CFAP299: variants seen among roughly 807,000 people sequenced by gnomAD.
The protein encoded by CFAP299 is cilia- and flagella-associated protein 299.
In CFAP299, 21 loss-of-function variants were observed where a neutral mutation model predicts 27.0. The ratio of observed to expected loss-of-function variants is 0.78; its 90% confidence interval spans 0.55 to 1.12. The LOEUF is 1.12. CFAP299 is among the 50% of genes most tolerant of loss of function. The pLI is 0.00. For missense variants in CFAP299, 310 were observed against 276.6 expected (o/e 1.12, Z -0.86); for synonymous variants, 104 against 98.1 (o/e 1.06, Z -0.36).
intron 1 of CFAP299, among the ~76,000 whole-genome samples, chr4:80,340,842 C>G (rs1225822622): frequency 6.6e-6 from 1 of 151,746 alleles, no homozygotes; most frequent in Non-Finnish European, 1.5e-5. Flanking sequence ...ATGGTGCGAT[C>G]TCGGCTCACA....
chr4:80,737,283 C>T (rs564167005), intron 3 of CFAP299, among the ~76,000 whole-genome samples: 19 of 150,418 alleles, frequency 1.3e-4, no homozygotes, highest in East Asian at 1.2e-3. Context: ...CTGCACATTG[C>T]GCACATGTAC....
intron 3 of CFAP299, among the ~76,000 whole-genome samples, chr4:80,799,924 A>G (rs1393011070): frequency 4.4e-5 from 2 of 45,016 alleles, no homozygotes; most frequent in East Asian, 8.6e-4. Flanking sequence ...TATAATATAT[A>G]TATTTATATA....
the CFAP299 span, among the ~76,000 whole-genome samples, chr4:80,328,715 G>A: frequency 1.3e-5 from 2 of 152,098 alleles, no homozygotes; most frequent in South Asian, 2.1e-4. Context: ...AAAACTGCAC[G>A]ATATGACAAA....
At chr4:80,427,277 A>G (rs1268959513) in intron 2 of CFAP299, among the ~76,000 whole-genome samples, 2 of 151,928 alleles carry the variant, frequency 1.3e-5, no homozygotes, top group African/African-American at 4.8e-5. Flanking sequence ...ATTTTATTTT[A>G]TTTTACTTTG....
At chr4:80,366,861 T>C (rs1723858382) in intron 2 of CFAP299, among the ~76,000 whole-genome samples, 1 of 152,078 alleles carries the variant, frequency 6.6e-6, no homozygotes, top group Non-Finnish European at 1.5e-5. Flanking sequence ...TGTAATAAAA[T>C]ACTATTCAGT....
At chr4:80,387,354 C>A (rs1169572590) in intron 2 of CFAP299, 2 of 1,409,072 alleles carry the variant, frequency 1.4e-6, no homozygotes. Flanking sequence ...TACACCTGCT[C>A]GTTCTTATGC....
chr4:80,924,973 C>T (rs534703526), intron 4 of CFAP299, among the ~76,000 whole-genome samples: 230 of 151,858 alleles, frequency 1.5e-3, no homozygotes, highest in African/African-American at 5.4e-3. Context: ...TATAGAAGAG[C>T]TTTATATTTC....
intron 3 of CFAP299, among the ~76,000 whole-genome samples, chr4:80,700,960 T>G (rs1048220306): frequency 6.6e-6 from 1 of 152,028 alleles, no homozygotes; most frequent in Non-Finnish European, 1.5e-5. Context: ...CTTACATGCA[T>G]TATCTTTATA....
intron 3 of CFAP299, among the ~76,000 whole-genome samples, chr4:80,779,220 C>G (rs1206910818): frequency 6.6e-6 from 1 of 152,274 alleles, no homozygotes; most frequent in East Asian, 1.9e-4. Flanking sequence ...CTCTTAATCT[C>G]TATGCTGCAC....
intron 3 of CFAP299, among the ~76,000 whole-genome samples, chr4:80,764,363 CA>C (rs1210677381): frequency 6.6e-6 from 1 of 152,164 alleles, no homozygotes; most frequent in Non-Finnish European, 1.5e-5. Flanking sequence ...CATCACTGGT[CA>C]TTAGAGAAAT....
chr4:80,529,802 G>T (rs1457187723), intron 2 of CFAP299, among the ~76,000 whole-genome samples: 1 of 151,746 alleles, frequency 6.6e-6, no homozygotes, highest in Non-Finnish European at 1.5e-5. Context: ...TCAGAGAGAG[G>T]AATACAGCAT....
chr4:80,709,675 T>A (rs1240473365), intron 3 of CFAP299, among the ~76,000 whole-genome samples: 2 of 152,170 alleles, frequency 1.3e-5, no homozygotes, highest in African/African-American at 4.8e-5. Flanking sequence ...TGGAACAGAC[T>A]GGTTGAACCA....
chr4:80,912,808 C>T (rs1309959887), intron 4 of CFAP299, among the ~76,000 whole-genome samples: 1 of 152,128 alleles, frequency 6.6e-6, no homozygotes, highest in Non-Finnish European at 1.5e-5. Flanking sequence ...CCAGGCTACC[C>T]TCCTGAAATG....
At chr4:80,327,300 G>A in the CFAP299 span, among the ~76,000 whole-genome samples, 2 of 152,222 alleles carry the variant, frequency 1.3e-5, no homozygotes, top group East Asian at 3.9e-4. Context: ...ATTCTGGGAA[G>A]AGAAAGAAAA....
chr4:80,623,389 G>A (rs62305167), intron 3 of CFAP299, among the ~76,000 whole-genome samples: 1 of 152,058 alleles, frequency 6.6e-6, no homozygotes, highest in Non-Finnish European at 1.5e-5. Flanking sequence ...AGGCAGAAAT[G>A]AAACAAAAAT....
At chr4:80,765,599 C>A (rs982715968) in intron 3 of CFAP299, among the ~76,000 whole-genome samples, 5 of 151,730 alleles carry the variant, frequency 3.3e-5, no homozygotes, top group Non-Finnish European at 5.9e-5. Flanking sequence ...TAATAAGATG[C>A]TATAAAAATA....
chr4:80,631,868 C>T (rs1222586609), intron 3 of CFAP299, among the ~76,000 whole-genome samples: 1 of 107,756 alleles, frequency 9.3e-6, no homozygotes, highest in African/African-American at 2.9e-5. Flanking sequence ...TGCCCCACCC[C>T]CCCCCAACCA....
At chr4:80,497,275 A>T (rs1731500104) in intron 2 of CFAP299, among the ~76,000 whole-genome samples, 1 of 152,206 alleles carries the variant, frequency 6.6e-6, no homozygotes, top group Non-Finnish European at 1.5e-5. Context: ...ATCTCTAAAA[A>T]CAAACAAATA....
chr4:80,547,994 C>T (rs576491308), intron 2 of CFAP299, among the ~76,000 whole-genome samples: 1 of 152,120 alleles, frequency 6.6e-6, no homozygotes, highest in Non-Finnish European at 1.5e-5. Flanking sequence ...TAAAACAGAA[C>T]TACCATTTGA....
Sources: gnomAD v4.1 joint callset for allele counts (sites outside exome capture counted in the v4.1 genomes callset) on GRCh38, gnomAD v4.1.1 for gene constraint, MANE v1.5 for transcripts, NCBI Gene and HGNC (gene_info 2026-07-23, HGNC 2026-07-21) for gene names.